Variants in ATXN1 observed in about 807,000 individuals in gnomAD.
ATXN1 encodes the protein ataxin 1.
A neutral mutation model predicts 56.4 loss-of-function variants in ATXN1; 8 were observed. The observed-to-expected ratio is 0.14, with a 90% confidence interval of 0.08 to 0.26. The LOEUF is 0.26. Ranked by LOEUF, ATXN1 falls within the 10% of genes least tolerant of loss-of-function variation. The probability of loss-of-function intolerance (pLI) is 1.00; values close to 1 mark genes in which losing one functional copy is unlikely to be tolerated. For missense variants in ATXN1, 987 were observed against 1,106.5 expected (o/e 0.89, Z 1.53); for synonymous variants, 514 against 494.6 (o/e 1.04, Z -0.52).
At chr6:16,712,249 A>G (rs530977901) in intron 2 of ATXN1, among the ~76,000 whole-genome samples, 1 of 151,724 alleles carries the variant, frequency 6.6e-6, no homozygotes, top group African/African-American at 2.4e-5. Flanking sequence ...AGAAAGATGT[A>G]CTTTCTTTTC....
At chr6:16,572,609 G>T (rs1317497677) in intron 4 of ATXN1, among the ~76,000 whole-genome samples, 7 of 152,080 alleles carry the variant, frequency 4.6e-5, no homozygotes, top group Admixed American at 4.6e-4. Flanking sequence ...GAAAACAAGG[G>T]TATAAAGGCT....
At chr6:16,539,983 G>A (rs1415551548) in intron 4 of ATXN1, among the ~76,000 whole-genome samples, 2 of 152,154 alleles carry the variant, frequency 1.3e-5, no homozygotes, top group African/African-American at 4.8e-5. Flanking sequence ...AGAGGAAAGA[G>A]GATCCATGCC....
At chr6:16,514,207 C>T (rs1440006844) in intron 5 of ATXN1, among the ~76,000 whole-genome samples, 2 of 152,140 alleles carry the variant, frequency 1.3e-5, no homozygotes, top group East Asian at 1.9e-4. Flanking sequence ...CCTCCTTTCT[C>T]CCAAATCAAA....
intron 4 of ATXN1, among the ~76,000 whole-genome samples, chr6:16,582,958 C>G (rs528115971): frequency 2.0e-5 from 3 of 152,312 alleles, no homozygotes; most frequent in Admixed American, 2.0e-4. Context: ...TCATCAGAAT[C>G]TGGCAGAACA....
intron 6 of ATXN1, among the ~76,000 whole-genome samples, chr6:16,341,350 G>A (rs1340806117): frequency 3.3e-5 from 5 of 151,922 alleles, no homozygotes. Flanking sequence ...CAATGCTGAC[G>A]GCACATCAGA....
At chr6:16,649,697 A>C (rs183188045) in intron 3 of ATXN1, among the ~76,000 whole-genome samples, 70 of 152,360 alleles carry the variant, frequency 4.6e-4, no homozygotes, top group Admixed American at 2.5e-3. Context: ...AATTAGTACT[A>C]AGCTTATCCA....
At chr6:16,390,024 G>A (rs1758320250) in intron 6 of ATXN1, among the ~76,000 whole-genome samples, 1 of 152,108 alleles carries the variant, frequency 6.6e-6, no homozygotes, top group Admixed American at 6.5e-5. Context: ...ATTATTAATA[G>A]GCCTACTCCT....
chr6:16,614,651 G>A lies in ATXN1; in HGVS notation c.-488-28744C>T, dbSNP rs572040841. 5.3e-5 allele frequency among the ~76,000 whole-genome samples: 8 copies of A among 151,826 alleles called. No homozygotes were observed. The South Asian group carries it at 6.3e-4, about 12-fold the overall frequency. On this transcript the variant is annotated intron_variant, in intron 3 of 7. Transcript: ENST00000436367. ...CAATGATTAAATTCAGGCCACATGC[G>A]GTGGCTCATGCCTGTAACCCCAGCA...
rs570663490 is a variant in ATXN1, at chr6:16,378,945, G to A, written c.-160-50475C>T. 2.9e-3 allele frequency among the ~76,000 whole-genome samples: 437 copies of A among 152,212 alleles called. 4 individuals carry two copies. Among genetic ancestry groups the A allele is most frequent in the African/African-American group, 9.7e-3 (404 of 41,532 alleles). On this transcript the variant is annotated intron_variant, in intron 6 of 7. Coordinates refer to ENST00000436367, the MANE Select transcript of ATXN1 (RefSeq NM_001128164.2). ...CCCAGAGGAAAATAAGTCATTATTC[G>A]AAAAAGATACTTGCACACGCATGTT... is the stretch of plus-strand genomic sequence containing the variant.
In ATXN1 at chr6:16,760,736, AC is replaced by A. The variant is rs1469698911; in HGVS notation, c.-730+561del. Among the ~76,000 whole-genome samples the A allele has an allele frequency of 6.7e-6, 1 of 150,138 alleles. No homozygotes were observed. Among genetic ancestry groups the A allele is most frequent in the African/African-American group, 2.4e-5 (1 of 40,878 alleles). On this transcript the variant is annotated intron_variant, in intron 1 of 7. Coordinates refer to ENST00000436367, the MANE Select transcript of ATXN1 (RefSeq NM_001128164.2). This position sits in a 1 kb window ranked among gnomAD's most constrained non-coding sequence, Gnocchi z 5.3. ...GCGGAGAAGTCCAGCCCTCCGTGAG[AC>A]CCCCTCTCTCTCACCGCCCTCTCCG...
At chr6:16,613,859 C>A (rs1468068106) in intron 3 of ATXN1, among the ~76,000 whole-genome samples, 1 of 151,730 alleles carries the variant, frequency 6.6e-6, no homozygotes, top group Non-Finnish European at 1.5e-5. Flanking sequence ...ATAGAAATGA[C>A]AAATTTTCTA....
At position 16,610,849 on chromosome 6, in the gene ATXN1, C is replaced by T. The variant is rs113625415; in HGVS notation, c.-488-24942G>A. On this transcript the variant is annotated intron_variant, in intron 3 of 7. Coordinates refer to ENST00000436367, the MANE Select transcript of ATXN1 (RefSeq NM_001128164.2). ...AACCACCCGGGACAACACATCGAGA[C>T]GTCATCTATAAAAAAAAAAAAAAAA... Among the ~76,000 whole-genome samples, 235 of 133,430 alleles carry T rather than the reference C, an allele frequency of 1.8e-3. 5 individuals are homozygous for T. The highest frequency in any genetic ancestry group is 5.9e-3 in the African/African-American group (212 of 36,212). The allele number at this position is 133,430 out of a possible 152,430, so 87.5% of individuals were successfully genotyped here.
chr6:16,748,772 A>T (rs1760619652), intron 2 of ATXN1, among the ~76,000 whole-genome samples: 1 of 152,152 alleles, frequency 6.6e-6, no homozygotes, highest in African/African-American at 2.4e-5. Flanking sequence ...GTCTTTGATG[A>T]AAGTTAAATA....
In ATXN1 at chr6:16,604,340, AAC is replaced by A. The variant is rs1491101351; in HGVS notation, c.-488-18435_-488-18434del. 3.2e-3 allele frequency among the ~76,000 whole-genome samples: 471 copies of A among 148,970 alleles called. 3 individuals are homozygous for A. Among genetic ancestry groups the A allele is most frequent in the Admixed American group, 5.0e-3 (73 of 14,650 alleles). On this transcript the variant is annotated intron_variant, in intron 3 of 7. Transcript: ENST00000436367. Reference sequence around the variant, plus strand: ...ACTCTGTCTCAAAAAAAAAAAAAAAAACAAAAATTATCGTGGCACGTGGTGCA... The same window carrying A: ...ACTCTGTCTCAAAAAAAAAAAAAAAAAAAAATTATCGTGGCACGTGGTGCA...
intron 2 of ATXN1, among the ~76,000 whole-genome samples, chr6:16,716,056 C>T (rs1759634385): frequency 6.6e-6 from 1 of 152,196 alleles, no homozygotes; most frequent in African/African-American, 2.4e-5. Flanking sequence ...AACACCCCCA[C>T]CCACTCAAGG....
chr6:16,384,676 A>G (rs1758201454), intron 6 of ATXN1, among the ~76,000 whole-genome samples: 1 of 152,138 alleles, frequency 6.6e-6, no homozygotes, highest in South Asian at 2.1e-4. Flanking sequence ...GTGAGTTCTC[A>G]TGAGATCTGG....
intron 3 of ATXN1, among the ~76,000 whole-genome samples, chr6:16,655,812 G>C (rs536634987): frequency 6.6e-6 from 1 of 151,670 alleles, no homozygotes; most frequent in Non-Finnish European, 1.5e-5. Context: ...ACTGCGGGCC[G>C]GGTGCAGTGG....
At chr6:16,693,752 G>A (rs998328177) in intron 2 of ATXN1, among the ~76,000 whole-genome samples, 1 of 152,168 alleles carries the variant, frequency 6.6e-6, no homozygotes, top group African/African-American at 2.4e-5. Context: ...AGTTTATTAT[G>A]AAGTGTATTT....
rs570083778 is a variant in ATXN1, at chr6:16,523,578, C to G, written c.-360-890G>C. Among the ~76,000 whole-genome samples, 14 of 152,284 alleles carry G rather than the reference C, an allele frequency of 9.2e-5. 1 individual carries two copies. In the East Asian group the frequency reaches 2.1e-3, roughly 23 times the overall value. ...CTACATTGCCAGGCTGTGAAGAAGT[C>G]TTAATAAATAACCAAAGTACCCCAT... On this transcript the variant is annotated intron_variant, in intron 4 of 7. Transcript: ENST00000436367.
Sources: gnomAD v4.1 joint callset for allele counts (sites outside exome capture counted in the v4.1 genomes callset) on GRCh38, gnomAD v4.1.1 for gene constraint, Gnocchi (gnomAD v3.1) non-coding constraint, MANE v1.5 for transcripts, NCBI Gene and HGNC (gene_info 2026-07-23, HGNC 2026-07-21) for gene names.